Variants in KHNYN observed in about 807,000 individuals in gnomAD.
KHNYN encodes KH and NYN domain containing.
Under a neutral mutation model 62.7 loss-of-function variants are expected in KHNYN, and 42 were observed. The observed-to-expected ratio is 0.67, with a 90% confidence interval of 0.52 to 0.87. The LOEUF (loss-of-function observed/expected upper bound fraction) is 0.87, where lower values mean the gene tolerates loss of function less well. KHNYN is among the 40% of genes least tolerant of loss of function. The pLI is 0.00. For missense variants in KHNYN, 829 were observed against 874.1 expected (o/e 0.95, Z 0.65); for synonymous variants, 347 against 345.6 (o/e 1.00, Z -0.04).
chr14:24,428,986 C>A, upstream of KHNYN: 1 of 1,550,418 alleles, frequency 6.4e-7, no homozygotes, highest in Non-Finnish European at 8.7e-7. Flanking sequence ...GGGCCAGAAG[C>A]ACCAGAACCA....
At chr14:24,436,536 C>G (rs575788783) in intron 7 of KHNYN, 47 bp downstream of exon 7, 1 of 1,389,528 alleles carries the variant, frequency 7.2e-7, no homozygotes, top group African/African-American at 1.5e-5. Context: ...ACCCCTGGCC[C>G]TCTCTCAGCA....
upstream of KHNYN, among the ~76,000 whole-genome samples, chr14:24,426,057 C>T (rs2043017221): frequency 6.6e-6 from 1 of 152,218 alleles, no homozygotes; most frequent in Non-Finnish European, 1.5e-5. Flanking sequence ...ATTCACTCTT[C>T]TTCACTCAGC....
chr14:24,433,387 G>C (rs2043155801), intron 5 of KHNYN, among the ~76,000 whole-genome samples: 1 of 152,206 alleles, frequency 6.6e-6, no homozygotes, highest in Admixed American at 6.5e-5. Context: ...CAAACATGCA[G>C]AGAAATTTCC....
Position 24,432,163 on chromosome 14 carries a change from C to T in KHNYN, c.902C>T (p.Pro301Leu), listed in dbSNP as rs768061873. The T allele has an allele frequency of 1.3e-6, 2 of 1,561,974 alleles. No homozygotes were observed. Among genetic ancestry groups the T allele is most frequent in the Non-Finnish European group, 1.7e-6 (2 of 1,152,224 alleles). The change falls in exon 3 of 8, where the codon CCC (proline) becomes CTC (leucine). Residue 301 changes from proline to leucine, a missense_variant. By Grantham distance (98) the Pro-to-Leu change is moderately conservative. This residue lies in a region of KHNYN where 559 missense variants were observed against 527.0 expected (regional missense o/e 1.06). Coordinates refer to ENST00000553935, the MANE Select transcript of KHNYN (RefSeq NM_015299.3). The surrounding 1 kb of genome is among the most constrained non-coding windows in gnomAD (Gnocchi z 5.6). ...GGTGGAGGGGCAAGGGAGTCAGCAC[C>T]CCTGAAAGGGAAGGCCCTGGGGAAG... Reference protein sequence around the residue: ...SVGGGARESAPLKGKALGKEE... With the variant: ...SVGGGARESALLKGKALGKEE...
upstream of KHNYN, chr14:24,427,788 C>T (rs773017319): frequency 5.0e-6 from 8 of 1,613,866 alleles, no homozygotes; most frequent in Admixed American, 1.7e-5. This position sits in a 1 kb window ranked among gnomAD's most constrained non-coding sequence, Gnocchi z 4.4. Flanking sequence ...GACTTGGGTC[C>T]TCAGAGAGGG....
At position 24,431,695 on chromosome 14, in the gene KHNYN, A is replaced by T. The variant is rs2043116863; in HGVS notation, c.434A>T (p.Asp145Val). 3.7e-6 allele frequency: 6 copies of T among 1,614,128 alleles called. No homozygotes were observed. Among genetic ancestry groups the T allele is most frequent in the Non-Finnish European group, 5.1e-6 (6 of 1,180,012 alleles). ...VEELAERLSW[D>V]FTPGPSSGAS... ...GAGCTGGCAGAGCGGCTGAGCTGGG[A>T]CTTCACGCCAGGACCATCTTCCGGA... Residue 145 changes from aspartate (D) to valine (V), a missense_variant, in exon 3 of 8, where the codon GAC (aspartate) becomes GTC (valine). Around this residue, in one of 2 missense-constraint regions of KHNYN, gnomAD observed 559 missense variants for 527.0 expected, o/e 1.06. Coordinates refer to ENST00000553935, the MANE Select transcript of KHNYN (RefSeq NM_015299.3).
chr14:24,429,278 T>G (rs1055066915), upstream of KHNYN: 2 of 701,166 alleles, frequency 2.9e-6, no homozygotes, highest in Non-Finnish European at 5.1e-6. Context: ...TGACAGCAGT[T>G]GGGCTTTGGG....
intron 2 of KHNYN, among the ~76,000 whole-genome samples, 178 bp downstream of exon 2, chr14:24,431,109 TTTGTTTTCAGTTTCAGC>T (rs2043103727): frequency 6.6e-6 from 1 of 152,218 alleles, no homozygotes; most frequent in African/African-American, 2.4e-5. Context: ...CAACTCTATA[TTTGTTTTCAGTTTCAGC>T]TTAATTTCTT....
At position 24,432,215 on chromosome 14, in the gene KHNYN, G is replaced by T; in HGVS notation, c.954G>T (p.Gly318=). 2 of 1,600,244 alleles carry T rather than the reference G, an allele frequency of 1.2e-6. No homozygotes were observed. Among genetic ancestry groups the T allele is most frequent in the Non-Finnish European group, 1.7e-6 (2 of 1,172,166 alleles). ...AGGAGATAGCTCTGGGAGGAGGAGG[G>T]TTCTGTGTCCACCGTGAGCCTCCCG... ...GKEEIALGGG[G]FCVHREPPGA... Residue 318 remains glycine (G), a synonymous_variant, in exon 3 of 8, where the codon GGG becomes GGT. Transcript: ENST00000553935. The surrounding 1 kb of genome is among the most constrained non-coding windows in gnomAD (Gnocchi z 5.6).
At chr14:24,428,415 G>C (rs773713871), upstream of KHNYN, 1 of 1,613,632 alleles carries the variant, frequency 6.2e-7, no homozygotes, top group Admixed American at 1.7e-5. Context: ...CCTGGGGGAA[G>C]CAGAGCCTGC....
At position 24,436,090 on chromosome 14, in the gene KHNYN, T is replaced by A; in HGVS notation, c.1596T>A (p.Ala532=). The A allele has an allele frequency of 6.2e-7, 1 of 1,614,168 alleles. No individual in the cohort carries two copies. The highest frequency in any genetic ancestry group is 8.5e-7 in the Non-Finnish European group (1 of 1,180,012). Residue 532 remains alanine, a synonymous_variant, in exon 6 of 8, where the codon GCT becomes GCA. Transcript: ENST00000553935. Reference sequence around the variant, plus strand: ...GAGACAGGTTCATGGTGAAGCTGGCTGAAGAGACAGATGGGATAATTGTCT... The same window carrying A: ...GAGACAGGTTCATGGTGAAGCTGGCAGAAGAGACAGATGGGATAATTGTCT... ...SYDDRFMVKL[A]EETDGIIVSN...
In KHNYN at chr14:24,440,550, C is replaced by G; in HGVS notation, c.*3265C>G. On this transcript the variant is annotated 3_prime_UTR_variant, in exon 8 of 8. Coordinates refer to ENST00000553935, the MANE Select transcript of KHNYN (RefSeq NM_015299.3). ...CTCTCAGCCTTGAAGGAGCCCACTG[C>G]TCCTCCTGGTTTCTGTTTCCCCTTC... 1 of 1,538,252 alleles carries G rather than the reference C, an allele frequency of 6.5e-7. No individual in the cohort carries two copies. Among genetic ancestry groups the G allele is most frequent in the East Asian group, 2.4e-5 (1 of 41,298 alleles).
Position 24,432,579 on chromosome 14 carries a change from A to G in KHNYN, c.1318A>G (p.Ile440Val). ...GCCTGGCCAGCCAGACCTCCGCCAT[A>G]TTGTCATTGACGGCAGCAACGTGGC... is the stretch of plus-strand genomic sequence containing the variant. ...NVPGQPDLRH[I>V]VIDGSNVAMV... The change falls in exon 3 of 8, where the codon ATT (isoleucine) becomes GTT (valine). Residue 440 changes from isoleucine (I) to valine (V), a missense_variant. Around this residue, in one of 2 missense-constraint regions of KHNYN, gnomAD observed 270 missense variants for 347.1 expected, o/e 0.78. Transcript: ENST00000553935. The surrounding 1 kb of genome is among the most constrained non-coding windows in gnomAD (Gnocchi z 5.6). 6.2e-7 allele frequency: 1 copy of G among 1,608,700 alleles called. No homozygotes were observed. The highest frequency in any genetic ancestry group is 1.1e-5 in the South Asian group (1 of 90,768).
At chr14:24,429,787 G>T (rs1170595186), upstream of KHNYN, 5 of 1,087,688 alleles carry the variant, frequency 4.6e-6, no homozygotes, top group Non-Finnish European at 5.6e-6. Flanking sequence ...GGAGACAGAC[G>T]GGAGGGCTGG....
Position 24,437,250 on chromosome 14 carries a change from CA to C in KHNYN, c.2004del (p.Gln668HisfsTer34). ...QREPYCRDINQLSEALLSLNF is the reference protein window; with the variant it reads ...QREPYCRDINXLSEALLSLNF ...GGAGCCATACTGCCGGGACATCAAC[CA>C]ACTGTCTGAGGCCCTGCTCAGTCTT... On this transcript the variant is annotated frameshift_variant, in exon 8 of 8. Transcript: ENST00000553935. LOFTEE classifies it high-confidence loss of function. This position sits in a 1 kb window ranked among gnomAD's most constrained non-coding sequence, Gnocchi z 5.5. The C allele has an allele frequency of 1.9e-6, 3 of 1,614,174 alleles. No homozygotes were observed. The highest frequency in any genetic ancestry group is 2.5e-6 in the Non-Finnish European group (3 of 1,180,018).
chr14:24,440,496 G>C lies in KHNYN; in HGVS notation c.*3211G>C, dbSNP rs760878730. The stretch of plus-strand genomic sequence containing the variant: ...CCCCCACGGCCCAGCACAACCCCTA[G>C]AGCAGGAAAGAGGGAAGGTACAGGG... On this transcript the variant is annotated 3_prime_UTR_variant, in exon 8 of 8. Transcript: ENST00000553935. 15 of 1,597,766 alleles carry C rather than the reference G, an allele frequency of 9.4e-6. No individual in the cohort carries two copies. In the South Asian group the frequency reaches 1.5e-4, roughly 16 times the overall value.
upstream of KHNYN, chr14:24,428,494 A>G: frequency 6.7e-7 from 1 of 1,489,450 alleles, no homozygotes; most frequent in East Asian, 2.3e-5. Context: ...GCAGTGAGTA[A>G]TGAATAGAAG....
In KHNYN at chr14:24,440,472, C is replaced by G; in HGVS notation, c.*3187C>G. The G allele has an allele frequency of 6.2e-7, 1 of 1,607,456 alleles. No homozygotes were observed. The highest frequency in any genetic ancestry group is 1.1e-5 in the South Asian group (1 of 90,042). On this transcript the variant is annotated 3_prime_UTR_variant, in exon 8 of 8. Coordinates refer to ENST00000553935, the MANE Select transcript of KHNYN (RefSeq NM_015299.3). ...AGCAGCATGTGGCCCATGGCACCAC[C>G]CCCACGGCCCAGCACAACCCCTAGA...
Position 24,440,564 on chromosome 14 carries a change from T to C in KHNYN, c.*3279T>C, listed in dbSNP as rs767212069. Reference sequence around the variant, plus strand: ...GGAGCCCACTGCTCCTCCTGGTTTCTGTTTCCCCTTCCTCACTCTCCCCAT... The same window carrying C: ...GGAGCCCACTGCTCCTCCTGGTTTCCGTTTCCCCTTCCTCACTCTCCCCAT... On this transcript the variant is annotated 3_prime_UTR_variant, in exon 8 of 8. Transcript: ENST00000553935. The C allele has an allele frequency of 2.0e-6, 3 of 1,516,402 alleles. No individual in the cohort carries two copies. Among genetic ancestry groups the C allele is most frequent in the East Asian group, 4.9e-5 (2 of 41,046 alleles). The allele number at this position is 1,516,402 out of a possible 1,614,324, so 93.9% of individuals were successfully genotyped here. A position where few individuals can be genotyped will look rare whatever the true frequency, so the allele number is the denominator to read the frequency against.
Sources: allele counts gnomAD v4.1 joint callset (sites outside exome capture counted in the v4.1 genomes callset), GRCh38; gene constraint gnomAD v4.1.1; regional missense constraint gnomAD v4.1.1; non-coding constraint Gnocchi (gnomAD v3.1); transcripts MANE v1.5; gene names NCBI Gene and HGNC (gene_info 2026-07-23, HGNC 2026-07-21).